PCCA: variants seen among roughly 807,000 people sequenced by gnomAD.
The protein encoded by PCCA is propionyl-CoA carboxylase alpha chain, mitochondrial.
Under a neutral mutation model 101.3 loss-of-function variants are expected in PCCA, and 74 were observed. The observed-to-expected ratio is 0.73, with a 90% CI of 0.61 to 0.89. PCCA has a LOEUF of 0.89. Ranked by LOEUF, PCCA falls within the 40% of genes least tolerant of loss-of-function variation. The pLI, the probability that PCCA is intolerant of heterozygous loss-of-function variation, is 0.00. For missense variants in PCCA, 891 were observed against 907.0 expected (o/e 0.98, Z 0.23); for synonymous variants, 294 against 313.6 (o/e 0.94, Z 0.66).
chr13:100,140,924 G>A (rs1405810139), intron 4 of PCCA, among the ~76,000 whole-genome samples: 2 of 152,164 alleles, frequency 1.3e-5, no homozygotes, highest in African/African-American at 2.4e-5. Context: ...GAAAATAAAG[G>A]AGGTTTTCAT....
intron 21 of PCCA, among the ~76,000 whole-genome samples, chr13:100,465,553 A>G (rs554377005): frequency 6.6e-6 from 1 of 152,338 alleles, no homozygotes; most frequent in East Asian, 1.9e-4. Flanking sequence ...TCTTATAGAC[A>G]GTGATAATTT....
At chr13:100,244,382 G>A (rs1373596326) in intron 8 of PCCA, among the ~76,000 whole-genome samples, 3 of 152,024 alleles carry the variant, frequency 2.0e-5, no homozygotes, top group Admixed American at 2.0e-4. Context: ...ATTCCAACAT[G>A]CACATTTGGG....
intron 21 of PCCA, among the ~76,000 whole-genome samples, chr13:100,505,793 G>C (rs1389394910): frequency 6.6e-6 from 1 of 152,102 alleles, no homozygotes; most frequent in African/African-American, 2.4e-5. Flanking sequence ...CTTGTGCCCA[G>C]GAGGTCGAGG....
rs368576561 is a variant in PCCA at position 100,505,187 on chromosome 13, G to A, written c.1900-10240G>A. On this transcript the variant is annotated intron_variant, in intron 21 of 23. Transcript: ENST00000376285. ...CACATTCTTAGTAATCCTTGAATAC[G>A]TTTATATTGTGTCATTCATGAATGT... Among the ~76,000 whole-genome samples, 15 of 152,306 alleles carry A rather than the reference G, an allele frequency of 9.8e-5. No individual in the cohort carries two copies. The South Asian group carries it at 2.5e-3, about 25-fold the overall frequency.
At chr13:100,325,385 A>C (rs1317917827) in intron 16 of PCCA, among the ~76,000 whole-genome samples, 2 of 149,732 alleles carry the variant, frequency 1.3e-5, no homozygotes, top group Non-Finnish European at 3.0e-5. Flanking sequence ...TTTTAGAAAG[A>C]GATTTGGCTT....
chr13:100,464,470 C>A (rs2082371334), intron 21 of PCCA: 1 of 152,140 alleles, frequency 6.6e-6, no homozygotes, highest in Non-Finnish European at 1.5e-5. Flanking sequence ...TGTAGCTCCC[C>A]ACTCTCCCTT....
chr13:100,469,910 G>A (rs2082863313), intron 21 of PCCA, among the ~76,000 whole-genome samples: 1 of 152,188 alleles, frequency 6.6e-6, no homozygotes, highest in African/African-American at 2.4e-5. Flanking sequence ...GTCACCCCCT[G>A]CTGCATGTAA....
At chr13:100,430,063 G>A (rs1364928078) in intron 20 of PCCA, among the ~76,000 whole-genome samples, 1 of 151,846 alleles carries the variant, frequency 6.6e-6, no homozygotes, top group East Asian at 2.0e-4. Flanking sequence ...ATCACCTGAG[G>A]TTCGGAGTTC....
At chr13:100,495,181 CA>C (rs1201037465) in intron 21 of PCCA, among the ~76,000 whole-genome samples, 1 of 152,156 alleles carries the variant, frequency 6.6e-6, no homozygotes, top group Non-Finnish European at 1.5e-5. Flanking sequence ...AACTCCAAAA[CA>C]AAGATTAATC....
chr13:100,179,076 CAA>C (rs57393133), intron 6 of PCCA, among the ~76,000 whole-genome samples: 6,369 of 135,020 alleles, frequency 0.047, 352 homozygotes, highest in African/African-American at 0.13. Context: ...GACTCCTTCT[CAA>C]AAAAAAAAAA....
At chr13:100,451,490 C>T (rs960789473) in intron 21 of PCCA, among the ~76,000 whole-genome samples, 1 of 152,142 alleles carries the variant, frequency 6.6e-6, no homozygotes, top group Non-Finnish European at 1.5e-5. Flanking sequence ...ATGGAGAGGA[C>T]TGCTTTCACT....
chr13:100,154,676 T>G (rs1342364047), intron 4 of PCCA: 1 of 356,074 alleles, frequency 2.8e-6, no homozygotes, highest in Admixed American at 4.1e-5. Context: ...GATATCAAAT[T>G]TATGTATTGA....
Position 100,108,474 on chromosome 13 carries a change from A to G in PCCA, c.184-3367A>G, listed in dbSNP as rs149474913. Among the ~76,000 whole-genome samples the G allele has an allele frequency of 3.9e-5, 6 of 152,088 alleles. No individual in the cohort carries two copies. The East Asian group carries it at 1.2e-3, about 29-fold the overall frequency. On this transcript the variant is annotated intron_variant, in intron 2 of 23. Coordinates refer to ENST00000376285, the MANE Select transcript of PCCA (RefSeq NM_000282.4). ...CATCATCTGGACTTTTTTTTATCCT[A>G]GCTTTATTTGCTACAACTCTCCTAA...
intron 21 of PCCA, among the ~76,000 whole-genome samples, chr13:100,469,826 G>T (rs906037287): frequency 6.6e-6 from 1 of 152,058 alleles, no homozygotes; most frequent in Non-Finnish European, 1.5e-5. Context: ...GTTTGATGGC[G>T]TGTGAGTTTA....
At chr13:100,491,176 G>A (rs1269342495) in intron 21 of PCCA, 3 of 153,636 alleles carry the variant, frequency 2.0e-5, no homozygotes, top group Admixed American at 6.5e-5. Context: ...TAGACTGTAC[G>A]AGGATTTTTC....
chr13:100,250,407 C>A (rs189427319), intron 8 of PCCA, among the ~76,000 whole-genome samples: 4 of 152,138 alleles, frequency 2.6e-5, no homozygotes, highest in Non-Finnish European at 5.9e-5. Flanking sequence ...AGGATTAAAT[C>A]CCATTTGGTC....
Position 100,127,261 on chromosome 13 carries a change from A to G in PCCA, c.300+15200A>G, listed in dbSNP as rs116394507. On this transcript the variant is annotated intron_variant, in intron 4 of 23. Transcript: ENST00000376285. The stretch of plus-strand genomic sequence containing the variant: ...ATCCAGCTTTTTTTAATCTGTGGGA[A>G]GTGACTTGTGGATATTTTCTTTTAT... Among the ~76,000 whole-genome samples the G allele has an allele frequency of 3.7e-3, 564 of 152,264 alleles. 3 individuals are homozygous for G. Among genetic ancestry groups the G allele is most frequent in the African/African-American group, 0.013 (539 of 41,556 alleles).
intron 16 of PCCA, among the ~76,000 whole-genome samples, chr13:100,312,057 G>T (rs1566915551): frequency 2.0e-5 from 3 of 152,158 alleles, no homozygotes; most frequent in Non-Finnish European, 4.4e-5. Flanking sequence ...TATCTTGTTT[G>T]TATGCATATT....
At chr13:100,503,757 A>T (rs2085864584) in intron 21 of PCCA, among the ~76,000 whole-genome samples, 1 of 152,070 alleles carries the variant, frequency 6.6e-6, no homozygotes, top group South Asian at 2.1e-4. Context: ...TTTAAAAAAA[A>T]ATTAGCCGGG....
Sources: allele counts gnomAD v4.1 joint callset (sites outside exome capture counted in the v4.1 genomes callset), GRCh38; gene constraint gnomAD v4.1.1; transcripts MANE v1.5; gene names NCBI Gene and HGNC (gene_info 2026-07-23, HGNC 2026-07-21).